The following CFAP46 variants were observed in gnomAD, a reference collection of about 807,000 sequenced individuals.
CFAP46 encodes cilia- and flagella-associated protein 46.
Under a neutral mutation model 325.7 loss-of-function variants are expected in CFAP46, and 245 were observed. The observed-to-expected ratio is 0.75, with a 90% CI of 0.68 to 0.84. The LOEUF is 0.84. Ranked by LOEUF, CFAP46 falls within the 40% of genes least tolerant of loss-of-function variation. The pLI, the probability that CFAP46 is intolerant of heterozygous loss-of-function variation, is 0.00. For missense variants in CFAP46, 3,346 were observed against 3,543.0 expected, an observed-to-expected ratio of 0.94 and a Z score of 1.41; for synonymous variants, 1,523 against 1,495.9, an observed-to-expected ratio of 1.02 and a Z score of -0.42.
At chr10:132,929,440 C>T (rs1175382252) in intron 9 of CFAP46, 13 of 708,726 alleles carry the variant, frequency 1.8e-5, no homozygotes, top group South Asian at 7.3e-5. Context: ...TTACGCCGTC[C>T]GTAAATTGGA....
In CFAP46 at chr10:132,929,771, G is replaced by C. The variant is rs1464301001; in HGVS notation, c.900C>G (p.Ser300=). 1.2e-6 allele frequency: 2 copies of C among 1,610,444 alleles called. No homozygotes were observed. Among genetic ancestry groups the C allele is most frequent in the Non-Finnish European group, 1.7e-6 (2 of 1,177,398 alleles). ...AGATCTCCATGCATTTCAAGGTCAAGGAAAAACGCGCCAATTCAAAAAGCA... is the reference window on the plus strand; with the variant it reads ...AGATCTCCATGCATTTCAAGGTCAACGAAAAACGCGCCAATTCAAAAAGCA... ...MLLLFELARF[S]LTLKCMEISS... The change falls in exon 9 of 58, where the codon TCC becomes TCG. Residue 300 remains serine (S), a synonymous_variant. Transcript: ENST00000368586.
At position 132,869,388 on chromosome 10, in the gene CFAP46, C is replaced by G; in HGVS notation, c.4512-16G>C. On this transcript the variant is annotated splice_polypyrimidine_tract_variant and intron_variant, in intron 32 of 57. Transcript: ENST00000368586. This position sits in a 1 kb window ranked among gnomAD's most constrained non-coding sequence, Gnocchi z 6.2. ...GTGGGCGAGGCTGTGGGGAGTGTGG[C>G]CGAAAGAGTCAGTGTTGCACGGGCG... is the stretch of plus-strand genomic sequence containing the variant. 2 of 1,513,460 alleles carry G rather than the reference C, an allele frequency of 1.3e-6. No homozygotes were observed. Among genetic ancestry groups the G allele is most frequent in the South Asian group, 1.2e-5 (1 of 81,546 alleles). The allele number at this position is 1,513,460 out of a possible 1,614,324, so 93.8% of individuals were successfully genotyped here.
At chr10:132,831,160 C>T (rs764775981) in intron 50 of CFAP46, among the ~76,000 whole-genome samples, 1 of 151,124 alleles carries the variant, frequency 6.6e-6, no homozygotes, top group Non-Finnish European at 1.5e-5. Context: ...TAATTTGGAC[C>T]CTTTCATATT....
At position 132,876,829 on chromosome 10, in the gene CFAP46, A is replaced by C; in HGVS notation, c.4345T>G (p.Ser1449Ala). Residue 1449 changes from serine (S) to alanine (A), a missense_variant, in exon 31 of 58, where the codon TCA becomes GCA. Transcript: ENST00000368586. This position sits in a 1 kb window ranked among gnomAD's most constrained non-coding sequence, Gnocchi z 4.1. ...QDRSDSTVNP[S>A]SIQKPTYSLY... ...CAACGTACCGGCTTCTGGATACTTG[A>C]GGGGTTCACAGTAGAGTCACTTCTG... 1 of 1,549,814 alleles carries C rather than the reference A, an allele frequency of 6.5e-7. No homozygotes were observed. The highest frequency in any genetic ancestry group is 1.2e-5 in the South Asian group (1 of 83,938).
intron 46 of CFAP46, among the ~76,000 whole-genome samples, 193 bp downstream of exon 46, chr10:132,835,949 C>T (rs1476705112): frequency 1.1e-5 from 1 of 95,234 alleles, no homozygotes; most frequent in Non-Finnish European, 2.2e-5. Context: ...CTCCCCCCTC[C>T]CCCCACTCCC....
chr10:132,825,721 A>G (rs1442020112), intron 50 of CFAP46, among the ~76,000 whole-genome samples: 1 of 152,254 alleles, frequency 6.6e-6, no homozygotes, highest in Admixed American at 6.5e-5. Context: ...ATTCATATAA[A>G]CAATAAAAAT....
At chr10:132,923,254 T>C (rs983568743) in intron 11 of CFAP46, among the ~76,000 whole-genome samples, 7 of 141,232 alleles carry the variant, frequency 5.0e-5, no homozygotes, top group Admixed American at 2.1e-4. Flanking sequence ...GGGGGTGCCC[T>C]GGAACCCCTG....
At chr10:132,898,910 C>T (rs925478359) in intron 24 of CFAP46, 49 bp downstream of exon 24, 5 of 1,545,302 alleles carry the variant, frequency 3.2e-6, no homozygotes, top group Admixed American at 2.0e-5. Flanking sequence ...CTGGAAGACC[C>T]ACTAGAGGCC....
rs1848953684 is a variant in CFAP46, at chr10:132,876,073, A to G, written c.4362+739T>C. ...GCGACAGCCTGGAGGGCACATCACA[A>G]AAGAGGACCTCCAAGGATAGGAAGC... On this transcript the variant is annotated intron_variant, in intron 31 of 57. Coordinates refer to ENST00000368586, the MANE Select transcript of CFAP46 (RefSeq NM_001200049.3). This position sits in a 1 kb window ranked among gnomAD's most constrained non-coding sequence, Gnocchi z 4.1. Among the ~76,000 whole-genome samples, 1 of 152,258 alleles carries G rather than the reference A, an allele frequency of 6.6e-6. No homozygotes were observed. The highest frequency in any genetic ancestry group is 1.5e-5 in the Non-Finnish European group (1 of 68,046).
rs998534344 is a variant in CFAP46, at chr10:132,877,948, T to G, written c.4145A>C (p.Glu1382Ala). The G allele has an allele frequency of 3.2e-6, 5 of 1,549,330 alleles. No individual in the cohort carries two copies. The highest frequency in any genetic ancestry group is 4.4e-6 in the Non-Finnish European group (5 of 1,146,896). Residue 1382 changes from glutamate to alanine, a missense_variant, in exon 30 of 58, where the codon GAG (glutamate) becomes GCG (alanine). Glu to Ala is a moderately radical substitution (Grantham distance 107). Coordinates refer to ENST00000368586, the MANE Select transcript of CFAP46 (RefSeq NM_001200049.3). This position sits in a 1 kb window ranked among gnomAD's most constrained non-coding sequence, Gnocchi z 5.7. ...EKEKERSKEK[E>A]NERSKEKDKE... ...GTCCTTCTCTTTACTCCTCTCATTCTCCTTCTCTTTACTCCTCTCCTTCTC... is the reference window on the plus strand; with the variant it reads ...GTCCTTCTCTTTACTCCTCTCATTCGCCTTCTCTTTACTCCTCTCCTTCTC...
intron 41 of CFAP46, among the ~76,000 whole-genome samples, chr10:132,849,963 C>T (rs193026686): frequency 6.7e-6 from 1 of 149,686 alleles, no homozygotes; most frequent in Non-Finnish European, 1.5e-5. Flanking sequence ...TGGGGCGGGC[C>T]GCGTGCTGGG....
chr10:132,942,386 C>T, intron 1 of CFAP46, 50 bp downstream of exon 1: 5 of 1,349,606 alleles, frequency 3.7e-6, no homozygotes, highest in Admixed American at 3.6e-5. Context: ...GGGGTCGTGG[C>T]GGGTCCCGGG....
Position 132,836,131 on chromosome 10 carries a change from G to A in CFAP46, c.6613+11C>T, listed in dbSNP as rs748335318. The A allele has an allele frequency of 6.3e-7, 1 of 1,585,032 alleles. No homozygotes were observed. Among genetic ancestry groups the A allele is most frequent in the Non-Finnish European group, 8.6e-7 (1 of 1,168,338 alleles). Reference sequence around the variant, plus strand: ...CTGCTCCCCCTCCCCCTCCCCTGCAGCCCTGCTCACCTCCCACCGCCTGCA... The same window carrying A: ...CTGCTCCCCCTCCCCCTCCCCTGCAACCCTGCTCACCTCCCACCGCCTGCA... On this transcript the variant is annotated intron_variant, in intron 46 of 57. Transcript: ENST00000368586.
rs1224015805 is a variant in CFAP46, at chr10:132,938,705, C to T, written c.420G>A (p.Val140=). ...YNASVLYWQM[V]RPFLKPGYRH... ...GATATCCAGGCTTGAGGAACGGCCT[C>T]ACCATCTGCCAGTAGAGGACTGATG... The change falls in exon 5 of 58, where the codon GTG becomes GTA. Residue 140 remains valine (V), a synonymous_variant. Coordinates refer to ENST00000368586, the MANE Select transcript of CFAP46 (RefSeq NM_001200049.3). 6.2e-7 allele frequency: 1 copy of T among 1,613,524 alleles called. No individual in the cohort carries two copies. The highest frequency in any genetic ancestry group is 8.5e-7 in the Non-Finnish European group (1 of 1,179,978).
chr10:132,860,582 GC>G, intron 36 of CFAP46, 59 bp from the exon 37 acceptor site: 1 of 1,339,292 alleles, frequency 7.5e-7, no homozygotes, highest in Middle Eastern at 1.8e-4. Context: ...ATGGATACAG[GC>G]CTGAGGACGG....
Position 132,808,448 on chromosome 10 carries a change from A to T in CFAP46, c.8121T>A (p.Ile2707=). Reference sequence around the variant, plus strand: ...AAATCAAAAACAGGCTCACGGTCTGAATAGTCTTCTGGTCTAAGCAACTCA... The same window carrying T: ...AAATCAAAAACAGGCTCACGGTCTGTATAGTCTTCTGGTCTAAGCAACTCA... ...LVLSCLDQKT[I]QTVSLFLI The change falls in exon 58 of 58, where the codon ATT becomes ATA. Residue 2707 remains isoleucine (I), a synonymous_variant. Coordinates refer to ENST00000368586, the MANE Select transcript of CFAP46 (RefSeq NM_001200049.3). This position sits in a 1 kb window ranked among gnomAD's most constrained non-coding sequence, Gnocchi z 6.8. 6.2e-7 allele frequency: 1 copy of T among 1,612,366 alleles called. No homozygotes were observed. The highest frequency in any genetic ancestry group is 8.5e-7 in the Non-Finnish European group (1 of 1,179,300).
In CFAP46 at chr10:132,909,899, A is replaced by T. The variant is rs1329564799; in HGVS notation, c.2649+20T>A. The T allele has an allele frequency of 2.1e-6, 3 of 1,415,126 alleles. No individual in the cohort carries two copies. In the South Asian group the frequency reaches 4.5e-5, roughly 21 times the overall value. 87.7% of individuals were successfully genotyped at this position (1,415,126 alleles called of 1,614,324 possible). On this transcript the variant is annotated intron_variant, in intron 20 of 57. Coordinates refer to ENST00000368586, the MANE Select transcript of CFAP46 (RefSeq NM_001200049.3). Reference sequence around the variant, plus strand: ...CCACAGGGCCTCAGTCAGAGCCCAGATGTGGGCAGGGGCGCCCACCTGCTC... The same window carrying T: ...CCACAGGGCCTCAGTCAGAGCCCAGTTGTGGGCAGGGGCGCCCACCTGCTC...
At chr10:132,821,817 TG>T (rs1422886749) in intron 50 of CFAP46, among the ~76,000 whole-genome samples, 4 of 145,202 alleles carry the variant, frequency 2.8e-5, no homozygotes, top group African/African-American at 7.9e-5. Context: ...AGTGCTGATG[TG>T]TGCTGTCTGT....
intron 36 of CFAP46, 118 bp from the exon 37 acceptor site, chr10:132,860,641 G>T: frequency 8.5e-7 from 1 of 1,181,522 alleles, no homozygotes; most frequent in Non-Finnish European, 1.2e-6. Context: ...GGTAGATACG[G>T]GTGTGTCTGA....
Sources: gnomAD v4.1 joint callset for allele counts (sites outside exome capture counted in the v4.1 genomes callset) on GRCh38, gnomAD v4.1.1 for gene constraint, Gnocchi (gnomAD v3.1) non-coding constraint, MANE v1.5 for transcripts, NCBI Gene and HGNC (gene_info 2026-07-23, HGNC 2026-07-21) for gene names.